The following ADGRL2 variants were observed in gnomAD, a reference collection of about 807,000 sequenced individuals.
ADGRL2 encodes adhesion G protein-coupled receptor L2.
Under a neutral mutation model 157.4 loss-of-function variants are expected in ADGRL2, and 44 were observed. That is an observed-to-expected ratio of 0.28 (90% CI 0.22 to 0.36). ADGRL2 has a LOEUF of 0.36. Among genes scored for constraint, ADGRL2 ranks in the 10% least tolerant of loss-of-function variants. The pLI, the probability that ADGRL2 is intolerant of heterozygous loss-of-function variation, is 1.00. For missense variants in ADGRL2, 1,510 were observed against 1,768.9 expected, an observed-to-expected ratio of 0.85 and a Z score of 2.63; for synonymous variants, 585 against 624.7, an observed-to-expected ratio of 0.94 and a Z score of 0.95.
At chr1:81,986,406 T>C (rs766207266) in intron 21 of ADGRL2, among the ~76,000 whole-genome samples, 5 of 152,088 alleles carry the variant, frequency 3.3e-5, no homozygotes, top group Non-Finnish European at 5.9e-5. Context: ...CTTTTTGCAA[T>C]GTGTCATACT....
intron 2 of ADGRL2, among the ~76,000 whole-genome samples, chr1:81,905,964 G>A (rs2148283687): frequency 6.6e-6 from 1 of 151,718 alleles, no homozygotes; most frequent in South Asian, 2.1e-4. Flanking sequence ...GTGTGTGTGT[G>A]TGTGTGTGTG....
chr1:81,510,418 C>T (rs1044065537), intron 2 of ADGRL2, among the ~76,000 whole-genome samples: 1 of 151,998 alleles, frequency 6.6e-6, no homozygotes, highest in Non-Finnish European at 1.5e-5. Context: ...AACAAAATTC[C>T]TTATTAGAAC....
chr1:81,654,154 C>T (rs185539129), intron 3 of ADGRL2, among the ~76,000 whole-genome samples: 87 of 152,278 alleles, frequency 5.7e-4, no homozygotes, highest in African/African-American at 1.9e-3. Context: ...CCACGTTGGC[C>T]AGGCTGGTCT....
Position 81,492,935 on chromosome 1 carries a change from G to A in ADGRL2, c.-248+47846G>A, listed in dbSNP as rs112633739. ...GAAGAGTATGTGAGTGGTATAAAAT[G>A]ACCTTGAATTATGATCTCTTCTGAC... On this transcript the variant is annotated intron_variant, in intron 2 of 24. Coordinates refer to the ADGRL2 transcript ENST00000370721. 3.7e-3 allele frequency among the ~76,000 whole-genome samples: 564 copies of A among 152,220 alleles called. 9 individuals carry two copies. Among genetic ancestry groups the A allele is most frequent in the African/African-American group, 0.012 (500 of 41,552 alleles).
At chr1:81,612,765 A>G (rs1029199553) in intron 3 of ADGRL2, among the ~76,000 whole-genome samples, 3 of 152,198 alleles carry the variant, frequency 2.0e-5, no homozygotes, top group Non-Finnish European at 2.9e-5. Context: ...GGCTAAAGAC[A>G]TTCCTCCAAA....
At chr1:81,951,470 A>T (rs976077898) in intron 8 of ADGRL2, among the ~76,000 whole-genome samples, 2 of 152,196 alleles carry the variant, frequency 1.3e-5, no homozygotes, top group African/African-American at 4.8e-5. Flanking sequence ...TTTATATCAC[A>T]CATGATTATG....
intron 2 of ADGRL2, among the ~76,000 whole-genome samples, chr1:81,473,075 G>C (rs75726583): frequency 3.0e-5 from 1 of 33,696 alleles, no homozygotes; most frequent in African/African-American, 5.2e-5. Context: ...TAGAGATAGA[G>C]GGAGGGAGGA....
intron 1 of ADGRL2, among the ~76,000 whole-genome samples, chr1:81,409,656 T>C (rs2076916363): frequency 6.6e-6 from 1 of 152,202 alleles, no homozygotes; most frequent in South Asian, 2.1e-4. Context: ...ACATCTCTTC[T>C]CATGGGAGCA....
intron 2 of ADGRL2, among the ~76,000 whole-genome samples, chr1:81,780,900 G>A (rs2086786214): frequency 1.3e-5 from 2 of 152,166 alleles, no homozygotes; most frequent in Admixed American, 6.5e-5. Context: ...TAAGACCAGG[G>A]TGGTAATCCT....
chr1:81,807,811 G>A (rs1039018975), intron 1 of ADGRL2, among the ~76,000 whole-genome samples: 1 of 151,394 alleles, frequency 6.6e-6, no homozygotes, highest in African/African-American at 2.4e-5. Context: ...TGTGAGTCAC[G>A]GTGTCATGAG....
At chr1:81,502,209 C>T (rs552022763) in intron 2 of ADGRL2, 11 of 1,600,392 alleles carry the variant, frequency 6.9e-6, no homozygotes, top group Admixed American at 1.7e-5. Context: ...CTACTTCCAG[C>T]ACCAGGGCTC....
chr1:81,574,634 AAAG>A (rs1390933585), intron 2 of ADGRL2, among the ~76,000 whole-genome samples: 13 of 152,174 alleles, frequency 8.5e-5, no homozygotes, highest in Non-Finnish European at 5.9e-5. Flanking sequence ...TAGCAGATCC[AAAG>A]AAGTAGCATG....
chr1:81,888,988 T>C (rs2094197520), intron 2 of ADGRL2, among the ~76,000 whole-genome samples: 1 of 152,138 alleles, frequency 6.6e-6, no homozygotes, highest in Non-Finnish European at 1.5e-5. Flanking sequence ...ATCATGCCCA[T>C]TCCAGACGAT....
intron 1 of ADGRL2, among the ~76,000 whole-genome samples, chr1:81,811,866 G>A (rs184955899): frequency 4.0e-5 from 6 of 151,480 alleles, no homozygotes; most frequent in Non-Finnish European, 8.9e-5. Context: ...TAAATGAGCC[G>A]GGCAGCTTTT....
At chr1:81,311,499 T>C (rs1252271033) in intron 1 of ADGRL2, among the ~76,000 whole-genome samples, 8 of 152,196 alleles carry the variant, frequency 5.3e-5, no homozygotes, top group Admixed American at 4.6e-4. Context: ...ATCTGTGTCC[T>C]TCACAGTCCT....
chr1:81,453,793 T>C (rs2077747503), intron 2 of ADGRL2, among the ~76,000 whole-genome samples: 1 of 152,144 alleles, frequency 6.6e-6, no homozygotes. Context: ...GTGGCATCAT[T>C]AGCAATGTTG....
rs943585829 is a variant in ADGRL2, at chr1:81,907,205, G to A, written c.262G>A (p.Asp88Asn). The A allele has an allele frequency of 7.4e-6, 12 of 1,613,706 alleles. No individual in the cohort carries two copies. The highest frequency in any genetic ancestry group is 2.2e-5 in the South Asian group (2 of 91,062). Residue 88 changes from aspartate to asparagine, a missense_variant, in exon 3 of 24, where the codon GAT becomes AAT. This residue lies in a region of ADGRL2 where 361 missense variants were observed against 498.4 expected (regional missense o/e 0.72). Coordinates refer to ENST00000686636, the MANE Select transcript of ADGRL2 (RefSeq NM_001366006.2). ...QMENTDCYLP[D>N]AFKIMTQRCN... The stretch of plus-strand genomic sequence containing the variant: ...GGAGAATACAGACTGCTACCTCCCC[G>A]ATGCCTTCAAAATTATGACTCAAAG...
intron 2 of ADGRL2, among the ~76,000 whole-genome samples, chr1:81,472,450 G>A (rs1022591507): frequency 2.0e-5 from 3 of 152,160 alleles, no homozygotes; most frequent in African/African-American, 4.8e-5. Flanking sequence ...CTGGGCAACA[G>A]TGAAACCCTG....
chr1:81,449,137 A>C (rs28680206), intron 2 of ADGRL2, among the ~76,000 whole-genome samples: 1 of 151,858 alleles, frequency 6.6e-6, no homozygotes, highest in African/African-American at 2.4e-5. Flanking sequence ...CTAAATAACC[A>C]GTGATACTAT....
Sources: allele counts gnomAD v4.1 joint callset (sites outside exome capture counted in the v4.1 genomes callset), GRCh38; gene constraint gnomAD v4.1.1; regional missense constraint gnomAD v4.1.1; transcripts MANE v1.5; gene names NCBI Gene and HGNC (gene_info 2026-07-23, HGNC 2026-07-21).